Variants in CDKL3 observed in about 807,000 individuals in gnomAD.
CDKL3 encodes cyclin-dependent kinase-like 3.
Under a neutral mutation model 69.3 loss-of-function variants are expected in CDKL3, and 65 were observed. That is an observed-to-expected ratio of 0.94 (90% CI 0.77 to 1.15). The LOEUF (loss-of-function observed/expected upper bound fraction) is 1.15, where lower values mean the gene tolerates loss of function less well. Among genes scored for constraint, CDKL3 ranks in the 50% most tolerant of loss-of-function variants. The probability of loss-of-function intolerance (pLI) is 0.00; values close to 1 mark genes in which losing one functional copy is unlikely to be tolerated. For missense variants in CDKL3, 652 were observed against 689.2 expected (o/e 0.95, Z 0.61); for synonymous variants, 202 against 221.6 (o/e 0.91, Z 0.79).
chr5:134,303,959 G>T lies in CDKL3; in HGVS notation c.1621+446C>A, dbSNP rs1292786696. ...AAAATTTTTTTTTTTTAGAGACAGG[G>T]TCTCATTATGTCATCCTGGAGTGCA... On this transcript the variant is annotated intron_variant, in intron 11 of 12. Transcript: ENST00000265334. Among the ~76,000 whole-genome samples the T allele has an allele frequency of 3.3e-5, 5 of 150,850 alleles. No homozygotes were observed. In the East Asian group the frequency reaches 7.8e-4, roughly 23 times the overall value.
At chr5:134,285,502 G>A (rs1006427415), downstream of CDKL3, among the ~76,000 whole-genome samples, 23 of 152,206 alleles carry the variant, frequency 1.5e-4, no homozygotes, top group African/African-American at 5.5e-4. Context: ...CTGGGACACA[G>A]GGCACCAAGT....
At chr5:134,306,542 TAGAGA>T (rs1032703599) in intron 10 of CDKL3, 62 bp downstream of exon 10, 1 of 933,450 alleles carries the variant, frequency 1.1e-6, no homozygotes, top group African/African-American at 1.7e-5. Flanking sequence ...GCCCTAAAGA[TAGAGA>T]AAAGGAAAAA....
chr5:134,371,266 C>T (rs974996554), upstream of CDKL3: 67 of 420,346 alleles, frequency 1.6e-4, no homozygotes, highest in Non-Finnish European at 2.2e-5. Flanking sequence ...TTTGAATCCA[C>T]AACCTCTAGT....
chr5:134,286,920 G>C (rs1440698527), intron 8 of CDKL3, among the ~76,000 whole-genome samples: 1 of 152,160 alleles, frequency 6.6e-6, no homozygotes, highest in Non-Finnish European at 1.5e-5. Context: ...GAAACATTTA[G>C]CAAACATATA....
In CDKL3 at chr5:134,326,852, TATATATATATATATAC is replaced by T. The variant is rs1226499963; in HGVS notation, c.540-4965_540-4950del. Among the ~76,000 whole-genome samples the T allele has an allele frequency of 4.3e-3, 416 of 97,662 alleles. 2 individuals carry two copies. The highest frequency in any genetic ancestry group is 8.7e-3 in the African/African-American group (141 of 16,260). 64.1% of individuals were successfully genotyped at this position (97,662 alleles called of 152,430 possible). A position where few individuals can be genotyped will look rare whatever the true frequency, so the allele number is the denominator to read the frequency against. On this transcript the variant is annotated intron_variant, in intron 4 of 12. Coordinates refer to ENST00000265334, the MANE Select transcript of CDKL3 (RefSeq NM_001113575.2). ...ATATATATATATATATATATATATA[TATATATATATATATAC>T]ACACACACACATAGTCCTTATAGTC...
intron 6 of CDKL3, 92 bp downstream of exon 6, chr5:134,319,266 G>T (rs915252227): frequency 9.8e-6 from 9 of 917,520 alleles, no homozygotes; most frequent in Non-Finnish European, 1.4e-5. Flanking sequence ...GGAGTCAGAG[G>T]TTGCAGTGAG....
chr5:134,348,660 G>T (rs1263618082), intron 4 of CDKL3, among the ~76,000 whole-genome samples: 1 of 152,084 alleles, frequency 6.6e-6, no homozygotes, highest in Non-Finnish European at 1.5e-5. Flanking sequence ...ACTAAAAGAT[G>T]TCAACTAGGA....
rs554226431 is a variant in CDKL3, at chr5:134,310,123, G to A, written c.882-1396C>T. Reference sequence around the variant, plus strand: ...TGGGATTACAGGCATCAGCTACCATGCCCAGCCAATAACTGCCACTTTTTA... The same window carrying A: ...TGGGATTACAGGCATCAGCTACCATACCCAGCCAATAACTGCCACTTTTTA... On this transcript the variant is annotated intron_variant, in intron 7 of 12. Coordinates refer to ENST00000265334, the MANE Select transcript of CDKL3 (RefSeq NM_001113575.2). Among the ~76,000 whole-genome samples the A allele has an allele frequency of 4.2e-4, 64 of 152,094 alleles. No individual in the cohort carries two copies. In the South Asian group the frequency reaches 0.013, roughly 31 times the overall value.
intron 11 of CDKL3, 57 bp downstream of exon 11, chr5:134,304,348 G>GA (rs34579120): frequency 4.4e-6 from 6 of 1,358,300 alleles, no homozygotes; most frequent in Non-Finnish European, 6.0e-6. Flanking sequence ...GTTATATTAT[G>GA]AAAAAATCTT....
At chr5:134,288,772 A>G (rs551414002) in intron 8 of CDKL3, among the ~76,000 whole-genome samples, 37 of 152,302 alleles carry the variant, frequency 2.4e-4, no homozygotes, top group African/African-American at 8.4e-4. Flanking sequence ...TCTCTAGGAT[A>G]AGCTATTTTG....
intron 2 of CDKL3, among the ~76,000 whole-genome samples, chr5:134,363,028 G>A (rs548315677): frequency 3.2e-4 from 48 of 152,176 alleles, no homozygotes; most frequent in African/African-American, 1.1e-3. Flanking sequence ...ACATATTCAA[G>A]TTCATCTCTG....
At chr5:134,304,982 A>G (rs1481881441) in intron 10 of CDKL3, among the ~76,000 whole-genome samples, 1 of 151,258 alleles carries the variant, frequency 6.6e-6, no homozygotes, top group South Asian at 2.1e-4. Context: ...TAATTTTTAA[A>G]TTTTTCGTAG....
chr5:134,290,082 G>A (rs774530573), intron 8 of CDKL3, among the ~76,000 whole-genome samples: 2 of 152,064 alleles, frequency 1.3e-5, no homozygotes, highest in African/African-American at 2.4e-5. Flanking sequence ...TTGGCCAGGC[G>A]CAGTGGCTCA....
intron 12 of CDKL3, 134 bp downstream of exon 12, chr5:134,302,456 C>A: frequency 1.6e-6 from 1 of 611,064 alleles, no homozygotes. Flanking sequence ...AAATATAGAT[C>A]TGTTTCTTTA....
At chr5:134,326,845 AT>A (rs1774460860) in intron 4 of CDKL3, among the ~76,000 whole-genome samples, 1 of 125,570 alleles carries the variant, frequency 8.0e-6, no homozygotes, top group African/African-American at 3.9e-5. Context: ...ATATATATAT[AT>A]ATATATATAT....
chr5:134,359,763 T>A (rs1005110537), intron 3 of CDKL3, 134 bp downstream of exon 3: 1 of 671,694 alleles, frequency 1.5e-6, no homozygotes. Flanking sequence ...CTATTCCCTA[T>A]CCCCATTTTC....
chr5:134,370,277 G>C (rs538669244), upstream of CDKL3, among the ~76,000 whole-genome samples: 3 of 152,356 alleles, frequency 2.0e-5, no homozygotes, highest in African/African-American at 4.8e-5. Flanking sequence ...GGAATTGGAA[G>C]CAATAGAGGG....
chr5:134,364,314 G>A lies in CDKL3; in HGVS notation c.165+2045C>T, dbSNP rs1247878699. The stretch of plus-strand genomic sequence containing the variant: ...TTCTTCCCTGATCTCTCCTGATATT[G>A]TTCCTCATTTCTAAAAGCCTACTGG... On this transcript the variant is annotated intron_variant, in intron 2 of 12. Transcript: ENST00000265334. 2.6e-5 allele frequency among the ~76,000 whole-genome samples: 4 copies of A among 152,162 alleles called. 1 individual carries two copies. In the East Asian group the frequency reaches 7.7e-4, roughly 29 times the overall value.
intron 6 of CDKL3, among the ~76,000 whole-genome samples, chr5:134,313,043 C>T (rs1470406476): frequency 6.6e-6 from 1 of 152,134 alleles, no homozygotes; most frequent in Non-Finnish European, 1.5e-5. Flanking sequence ...TAAAAAGCAT[C>T]TGCTTTATAA....
Sources: allele counts gnomAD v4.1 joint callset (sites outside exome capture counted in the v4.1 genomes callset), GRCh38; gene constraint gnomAD v4.1.1; transcripts MANE v1.5; gene names NCBI Gene and HGNC (gene_info 2026-07-23, HGNC 2026-07-21).